NDUFAF2: variants seen among roughly 807,000 people sequenced by gnomAD.
NDUFAF2 encodes the protein NADH dehydrogenase [ubiquinone] 1 alpha subcomplex assembly factor 2.
A neutral mutation model predicts 22.8 loss-of-function variants in NDUFAF2; 13 were observed. That is an observed-to-expected ratio of 0.57 (90% CI 0.37 to 0.91). The LOEUF (loss-of-function observed/expected upper bound fraction) is 0.91. NDUFAF2 is among the 40% of genes least tolerant of loss of function. NDUFAF2 has a pLI of 0.01. For synonymous variants in NDUFAF2, 53 were observed against 64.2 expected, an observed-to-expected ratio of 0.83 and a Z score of 0.84; for missense variants, 162 against 195.2, an observed-to-expected ratio of 0.83 and a Z score of 1.01.
chr5:61,102,263 G>C (rs150689605), intron 3 of NDUFAF2, among the ~76,000 whole-genome samples: 2 of 152,128 alleles, frequency 1.3e-5, no homozygotes, highest in African/African-American at 4.8e-5. Context: ...GGCTAATACT[G>C]TCTGACTTTA....
At chr5:61,062,389 G>T (rs1752176131) in intron 1 of NDUFAF2, among the ~76,000 whole-genome samples, 1 of 151,962 alleles carries the variant, frequency 6.6e-6, no homozygotes, top group South Asian at 2.1e-4. Flanking sequence ...AGAAATCTTG[G>T]AGCTGAAGAA....
chr5:61,057,508 G>A (rs1466869168), intron 1 of NDUFAF2, among the ~76,000 whole-genome samples: 1 of 152,118 alleles, frequency 6.6e-6, no homozygotes, highest in East Asian at 1.9e-4. Flanking sequence ...ATGGACTGGG[G>A]AATCTCAGAA....
intron 1 of NDUFAF2, among the ~76,000 whole-genome samples, chr5:61,014,411 T>C (rs1035403154): frequency 1.3e-5 from 2 of 152,202 alleles, no homozygotes; most frequent in Non-Finnish European, 2.9e-5. Context: ...TATATACCTC[T>C]TCATCTGGCT....
At chr5:61,042,807 A>G (rs1325367226) in intron 1 of NDUFAF2, among the ~76,000 whole-genome samples, 1 of 152,222 alleles carries the variant, frequency 6.6e-6, no homozygotes, top group African/African-American at 2.4e-5. Flanking sequence ...CTATCAAACC[A>G]TACAAAAACA....
At chr5:61,069,233 T>A (rs1752266424) in intron 1 of NDUFAF2, among the ~76,000 whole-genome samples, 1 of 150,518 alleles carries the variant, frequency 6.6e-6, no homozygotes, top group Non-Finnish European at 1.5e-5. Context: ...AAATCAAGGG[T>A]AAATGTAATC....
At chr5:60,971,413 A>G (rs1402933869) in intron 1 of NDUFAF2, among the ~76,000 whole-genome samples, 2 of 151,416 alleles carry the variant, frequency 1.3e-5, no homozygotes. Context: ...CAGCCTCTCG[A>G]GTAGCTGGGA....
intron 1 of NDUFAF2, among the ~76,000 whole-genome samples, chr5:61,013,195 A>T (rs548290091): frequency 2.5e-4 from 38 of 152,102 alleles, no homozygotes; most frequent in African/African-American, 5.5e-4. Context: ...TAGCTTTTTT[A>T]AAAAAAATTA....
chr5:61,057,507 G>A (rs961558431), intron 1 of NDUFAF2, among the ~76,000 whole-genome samples: 3 of 152,100 alleles, frequency 2.0e-5, no homozygotes, highest in Non-Finnish European at 4.4e-5. Context: ...GATGGACTGG[G>A]GAATCTCAGA....
rs1405841934 is a variant in NDUFAF2 at position 60,947,424 on chromosome 5, A to G, written c.127+2042A>G. Among the ~76,000 whole-genome samples, 5 of 152,238 alleles carry G rather than the reference A, an allele frequency of 3.3e-5. No individual in the cohort carries two copies. In the East Asian group the frequency reaches 7.7e-4, roughly 23 times the overall value. ...CAGTCTTTTCATGTGCTTATTTACT[A>G]TCTACAGATCTTCGGTGAAGTATTG... On this transcript the variant is annotated intron_variant, in intron 1 of 3. Coordinates refer to ENST00000296597, the MANE Select transcript of NDUFAF2 (RefSeq NM_174889.5).
At chr5:60,990,175 AGTT>A (rs35951281) in intron 1 of NDUFAF2, among the ~76,000 whole-genome samples, 9,631 of 152,132 alleles carry the variant, frequency 0.063, 992 homozygotes, top group African/African-American at 0.22. Flanking sequence ...GGAGGAGTGG[AGTT>A]GTTAATGGTT....
intron 1 of NDUFAF2, among the ~76,000 whole-genome samples, chr5:61,020,714 G>T (rs1342763337): frequency 6.6e-6 from 1 of 152,006 alleles, no homozygotes; most frequent in Admixed American, 6.6e-5. Flanking sequence ...TTTTGAGACA[G>T]AGTCTCAACT....
chr5:61,101,130 A>G lies in NDUFAF2; in HGVS notation c.258+2098A>G, dbSNP rs142730939. Among the ~76,000 whole-genome samples the G allele has an allele frequency of 1.4e-3, 219 of 152,240 alleles. 3 individuals carry two copies. The East Asian group carries it at 0.036, about 25-fold the overall frequency. ...AGATACATCATATTAAGAGGAAAAA[A>G]TTTTTCTTAATGTAAAGTAAAACAT... On this transcript the variant is annotated intron_variant, in intron 3 of 3. Coordinates refer to ENST00000296597, the MANE Select transcript of NDUFAF2 (RefSeq NM_174889.5).
chr5:61,089,594 G>T (rs1265615551), intron 2 of NDUFAF2, among the ~76,000 whole-genome samples: 1 of 152,016 alleles, frequency 6.6e-6, no homozygotes, highest in Non-Finnish European at 1.5e-5. Context: ...ATCCCAACAG[G>T]ACATTTCAAG....
chr5:60,951,767 GTATTACTTA>G, intron 1 of NDUFAF2, among the ~76,000 whole-genome samples: 1 of 151,954 alleles, frequency 6.6e-6, no homozygotes, highest in Non-Finnish European at 1.5e-5. Context: ...TGAAGAATTT[GTATTACTTA>G]TTTCTTACAT....
chr5:61,121,569 A>G (rs7706753), intron 3 of NDUFAF2, among the ~76,000 whole-genome samples: 78,044 of 151,954 alleles, frequency 0.51, 21,505 homozygotes, highest in East Asian at 0.91. Flanking sequence ...TTCTTACTGT[A>G]TAGGTTAATT....
intron 1 of NDUFAF2, among the ~76,000 whole-genome samples, chr5:61,044,974 A>G (rs967332225): frequency 2.0e-5 from 3 of 150,998 alleles, no homozygotes; most frequent in Non-Finnish European, 3.0e-5. Flanking sequence ...ATATCTTCCC[A>G]TTTATTTGTG....
chr5:60,978,266 G>T (rs745845001), intron 1 of NDUFAF2, among the ~76,000 whole-genome samples: 8 of 111,200 alleles, frequency 7.2e-5, no homozygotes, highest in Non-Finnish European at 1.3e-4. Flanking sequence ...TGATACTGCG[G>T]GTTAAAGTCC....
intron 1 of NDUFAF2, among the ~76,000 whole-genome samples, chr5:61,021,893 G>A (rs891602696): frequency 1.3e-5 from 2 of 152,166 alleles, no homozygotes; most frequent in African/African-American, 4.8e-5. Context: ...TAGAAGCTTG[G>A]TAAGTCCACA....
chr5:60,990,349 T>C (rs1204164806), intron 1 of NDUFAF2, among the ~76,000 whole-genome samples: 1 of 152,174 alleles, frequency 6.6e-6, no homozygotes, highest in Non-Finnish European at 1.5e-5. Flanking sequence ...TCCTATTTAT[T>C]GTGATGTGAT....
Sources: gnomAD v4.1 joint callset for allele counts (sites outside exome capture counted in the v4.1 genomes callset) on GRCh38, gnomAD v4.1.1 for gene constraint, MANE v1.5 for transcripts, NCBI Gene and HGNC (gene_info 2026-07-23, HGNC 2026-07-21) for gene names.